The following CTNNA3 variants were observed in gnomAD, a reference collection of about 807,000 sequenced individuals.
The protein encoded by CTNNA3 is catenin alpha-3.
CTNNA3 carries 76 observed loss-of-function variants against 95.7 expected under a neutral mutation model. The observed-to-expected ratio is 0.79, with a 90% confidence interval of 0.66 to 0.96. CTNNA3 has a LOEUF of 0.96. CTNNA3 is among the 40% of genes least tolerant of loss of function. The probability of loss-of-function intolerance (pLI) is 0.00; values close to 1 mark genes in which losing one functional copy is unlikely to be tolerated. For synonymous variants in CTNNA3, 431 were observed against 374.4 expected, an observed-to-expected ratio of 1.15 and a Z score of -1.74; for missense variants, 1,191 against 1,089.8, an observed-to-expected ratio of 1.09 and a Z score of -1.31.
intron 7 of CTNNA3, among the ~76,000 whole-genome samples, chr10:66,859,680 G>A (rs566505709): frequency 1.3e-4 from 19 of 142,450 alleles, no homozygotes; most frequent in African/African-American, 4.5e-4. Flanking sequence ...ATACCCAAAC[G>A]ACTATAAATC....
intron 11 of CTNNA3, among the ~76,000 whole-genome samples, chr10:66,447,811 C>A (rs1033031532): frequency 2.0e-5 from 3 of 151,850 alleles, no homozygotes; most frequent in Non-Finnish European, 4.4e-5. Context: ...GCAACAAAAG[C>A]CAAAATTGAC....
intron 13 of CTNNA3, among the ~76,000 whole-genome samples, chr10:66,107,380 A>G (rs773411892): frequency 1.3e-5 from 2 of 152,202 alleles, no homozygotes; most frequent in Non-Finnish European, 2.9e-5. Context: ...GTTATTGTAA[A>G]GATAAAACAA....
At position 67,068,231 on chromosome 10, in the gene CTNNA3, T is replaced by G. The variant is rs535084671; in HGVS notation, c.1047+112086A>C. On this transcript the variant is annotated intron_variant, in intron 7 of 17. Coordinates refer to ENST00000433211, the MANE Select transcript of CTNNA3 (RefSeq NM_013266.4). ...AGGTGGATTGGACCTGGGAAGTGAC[T>G]GGATGTGGAAAGAGGAAAGGGAGGG... Among the ~76,000 whole-genome samples the G allele has an allele frequency of 3.3e-5, 5 of 152,158 alleles. No individual in the cohort carries two copies. In the East Asian group the frequency reaches 7.7e-4, roughly 23 times the overall value.
intron 10 of CTNNA3, among the ~76,000 whole-genome samples, chr10:66,561,488 A>G (rs146536297): frequency 6.6e-6 from 1 of 152,252 alleles, no homozygotes; most frequent in African/African-American, 2.4e-5. Context: ...AACTTGCCCA[A>G]CATCACTTGG....
intron 7 of CTNNA3, among the ~76,000 whole-genome samples, chr10:67,113,316 G>A (rs759758639): frequency 9.9e-5 from 15 of 151,756 alleles, no homozygotes; most frequent in African/African-American, 2.9e-4. Context: ...TCATGCCCAC[G>A]TACCATTATC....
In CTNNA3 at chr10:65,918,933, A is replaced by T. The variant is rs1475576177; in HGVS notation, c.*1397T>A. The stretch of plus-strand genomic sequence containing the variant: ...GTATGTGTAAATTTTTTTCTCATCA[A>T]TCTAAGGTTACATCGTTGCTGAGAC... On this transcript the variant is annotated 3_prime_UTR_variant, in exon 18 of 18. Coordinates refer to ENST00000433211, the MANE Select transcript of CTNNA3 (RefSeq NM_013266.4). The T allele has an allele frequency of 6.6e-6, 1 of 152,116 alleles. No homozygotes were observed. The highest frequency in any genetic ancestry group is 2.4e-5 in the African/African-American group (1 of 41,432). 9.4% of individuals were successfully genotyped at this position (152,116 alleles called of 1,614,324 possible). A position where few individuals can be genotyped will look rare whatever the true frequency, so the allele number is the denominator to read the frequency against.
chr10:67,468,435 C>T (rs1589322416), intron 5 of CTNNA3, among the ~76,000 whole-genome samples: 1 of 151,928 alleles, frequency 6.6e-6, no homozygotes, highest in Non-Finnish European at 1.5e-5. Context: ...GTGTATGCAC[C>T]GCCATTGTAG....
intron 1 of CTNNA3, among the ~76,000 whole-genome samples, chr10:67,760,280 G>T (rs1203746743): frequency 6.6e-6 from 1 of 152,134 alleles, no homozygotes; most frequent in Non-Finnish European, 1.5e-5. Flanking sequence ...TTCAACTCGT[G>T]ACTCTTCCCT....
intron 3 of CTNNA3, among the ~76,000 whole-genome samples, chr10:67,605,524 C>T (rs1843240660): frequency 6.6e-6 from 1 of 151,998 alleles, no homozygotes; most frequent in Non-Finnish European, 1.5e-5. Flanking sequence ...GCTCTTGCTA[C>T]ACACACAAAA....
intron 11 of CTNNA3, among the ~76,000 whole-genome samples, chr10:66,515,677 G>C (rs747737261): frequency 2.0e-5 from 3 of 152,112 alleles, no homozygotes; most frequent in Admixed American, 6.6e-5. Flanking sequence ...AATCATGGTG[G>C]AAGGGGAAGC....
At chr10:66,998,367 G>A (rs1851476383) in intron 7 of CTNNA3, among the ~76,000 whole-genome samples, 1 of 152,124 alleles carries the variant, frequency 6.6e-6, no homozygotes, top group South Asian at 2.1e-4. Flanking sequence ...AAGAAGCATA[G>A]TTAATGTAAA....
chr10:66,050,726 G>T (rs1395596216), intron 15 of CTNNA3, among the ~76,000 whole-genome samples: 1 of 152,118 alleles, frequency 6.6e-6, no homozygotes, highest in Non-Finnish European at 1.5e-5. Context: ...TCTGGGGAAT[G>T]CTGCTTCCAC....
intron 13 of CTNNA3, among the ~76,000 whole-genome samples, chr10:66,267,322 C>G (rs1262305710): frequency 6.6e-6 from 1 of 152,078 alleles, no homozygotes; most frequent in Non-Finnish European, 1.5e-5. Flanking sequence ...ACCTCCGTAT[C>G]CTTGCAAATG....
At chr10:67,358,909 C>G (rs1422516181) in intron 5 of CTNNA3, among the ~76,000 whole-genome samples, 1 of 152,042 alleles carries the variant, frequency 6.6e-6, no homozygotes, top group Non-Finnish European at 1.5e-5. Flanking sequence ...TGCACCCACC[C>G]CCTCGTCTTC....
At chr10:66,670,658 T>G (rs535760756) in intron 9 of CTNNA3, among the ~76,000 whole-genome samples, 2 of 152,208 alleles carry the variant, frequency 1.3e-5, no homozygotes, top group African/African-American at 4.8e-5. Context: ...CTGGATAATC[T>G]AGGCTAATCT....
At chr10:66,724,973 A>C (rs1250881852) in intron 9 of CTNNA3, among the ~76,000 whole-genome samples, 1 of 152,164 alleles carries the variant, frequency 6.6e-6, no homozygotes, top group East Asian at 1.9e-4. Flanking sequence ...AAATTCATGG[A>C]TGCTGAAGTC....
At chr10:66,666,679 T>C (rs990921029) in intron 9 of CTNNA3, among the ~76,000 whole-genome samples, 4 of 152,118 alleles carry the variant, frequency 2.6e-5, no homozygotes, top group African/African-American at 9.7e-5. Context: ...AACACATTAT[T>C]GTAAGGACTG....
chr10:65,989,061 C>T lies in CTNNA3; in HGVS notation c.2160-264G>A, dbSNP rs185746308. On this transcript the variant is annotated intron_variant, in intron 15 of 17. Coordinates refer to ENST00000433211, the MANE Select transcript of CTNNA3 (RefSeq NM_013266.4). ...GTTCAAGCGATTCTCCAGTCTTAGC[C>T]CCCCGAAGAGCTGGGACTGCAGGCG... Among the ~76,000 whole-genome samples, 419 of 152,166 alleles carry T rather than the reference C, an allele frequency of 2.8e-3. 2 individuals are homozygous for T. The highest frequency in any genetic ancestry group is 9.7e-3 in the African/African-American group (402 of 41,512).
intron 13 of CTNNA3, among the ~76,000 whole-genome samples, chr10:66,272,068 A>C (rs959956043): frequency 7.9e-5 from 12 of 152,296 alleles, no homozygotes; most frequent in African/African-American, 2.2e-4. Flanking sequence ...TTTTCAGAAG[A>C]AGCAGCAAGA....
Sources: gnomAD v4.1 joint callset for allele counts (sites outside exome capture counted in the v4.1 genomes callset) on GRCh38, gnomAD v4.1.1 for gene constraint, MANE v1.5 for transcripts, NCBI Gene and HGNC (gene_info 2026-07-23, HGNC 2026-07-21) for gene names.